KCNMA1: variants seen among roughly 807,000 people sequenced by gnomAD.
KCNMA1 encodes the protein potassium calcium-activated channel subfamily M alpha 1, also known as Calcium-activated potassium channel subunit alpha-1.
A neutral mutation model predicts 140.0 loss-of-function variants in KCNMA1; 29 were observed. The ratio of observed to expected loss-of-function variants is 0.21; its 90% CI spans 0.15 to 0.28. The LOEUF is 0.28. Among genes scored for constraint, KCNMA1 ranks in the 10% least tolerant of loss-of-function variants. The pLI is 1.00. For synonymous variants in KCNMA1, 612 were observed against 611.9 expected (o/e 1.00, Z 0.00); for missense variants, 880 against 1,602.2 (o/e 0.55, Z 7.70).
intron 1 of KCNMA1, among the ~76,000 whole-genome samples, chr10:77,627,689 T>G (rs1488136694): frequency 1.3e-5 from 2 of 152,176 alleles, no homozygotes; most frequent in African/African-American, 4.8e-5. Flanking sequence ...AAATCTACCA[T>G]CCACCAAGGC....
At chr10:77,203,227 A>G (rs746615966) in intron 3 of KCNMA1, among the ~76,000 whole-genome samples, 20 of 152,222 alleles carry the variant, frequency 1.3e-4, no homozygotes, top group Admixed American at 6.5e-5. Context: ...TCCTATCCTA[A>G]TCACAACAAT....
At chr10:77,062,809 T>C (rs551358133) in intron 14 of KCNMA1, among the ~76,000 whole-genome samples, 8 of 152,332 alleles carry the variant, frequency 5.3e-5, no homozygotes, top group African/African-American at 1.9e-4. Flanking sequence ...GATTTGAATA[T>C]AAAACAAAGC....
chr10:77,426,382 A>T (rs2096990859), intron 1 of KCNMA1, among the ~76,000 whole-genome samples: 1 of 152,170 alleles, frequency 6.6e-6, no homozygotes, highest in Non-Finnish European at 1.5e-5. Flanking sequence ...ATAGTAACTC[A>T]TTGAATCCTC....
At chr10:77,289,103 G>C (rs1049394430) in intron 2 of KCNMA1, among the ~76,000 whole-genome samples, 1 of 152,128 alleles carries the variant, frequency 6.6e-6, no homozygotes, top group Non-Finnish European at 1.5e-5. Flanking sequence ...CCTCTTGACA[G>C]GCTTATCTCC....
At chr10:77,000,857 AATATATATATATATATATAT>A (rs56359933) in intron 19 of KCNMA1, among the ~76,000 whole-genome samples, 2,289 of 36,670 alleles carry the variant, frequency 0.062, 226 homozygotes, top group Non-Finnish European at 0.092. Context: ...GTAAAAAGAA[AATATATATATATATATATAT>A]ATATATATAT....
chr10:77,317,869 G>A (rs1286845718), intron 2 of KCNMA1, among the ~76,000 whole-genome samples: 1 of 152,194 alleles, frequency 6.6e-6, no homozygotes, highest in Non-Finnish European at 1.5e-5. Context: ...TTTCCAGCCT[G>A]AGGAGCTTAG....
intron 23 of KCNMA1, among the ~76,000 whole-genome samples, chr10:76,941,071 A>AGAAAGAAAG (rs1565061204): frequency 2.1e-5 from 2 of 93,084 alleles, no homozygotes; most frequent in African/African-American, 9.8e-5. Flanking sequence ...AAGAAAGAAA[A>AGAAAGAAAG]AGAAAGAAAG....
intron 3 of KCNMA1, among the ~76,000 whole-genome samples, chr10:77,222,888 G>A (rs181390880): frequency 2.7e-4 from 41 of 152,308 alleles, no homozygotes; most frequent in African/African-American, 9.6e-4. Flanking sequence ...CTACTGCAGA[G>A]TTTAACTGCA....
intron 1 of KCNMA1, among the ~76,000 whole-genome samples, chr10:77,540,940 G>A (rs963852557): frequency 6.6e-6 from 1 of 151,298 alleles, no homozygotes; most frequent in African/African-American, 2.4e-5. Context: ...AGGAGGCAGA[G>A]ATCGCAGTGA....
At chr10:77,149,320 T>A (rs1429576765) in intron 5 of KCNMA1, among the ~76,000 whole-genome samples, 1 of 152,214 alleles carries the variant, frequency 6.6e-6, no homozygotes, top group Non-Finnish European at 1.5e-5. Context: ...AATAAAGCGA[T>A]GTCATGGGCA....
At chr10:77,311,274 C>G (rs575306548) in intron 2 of KCNMA1, among the ~76,000 whole-genome samples, 2 of 152,260 alleles carry the variant, frequency 1.3e-5, no homozygotes, top group East Asian at 3.9e-4. Flanking sequence ...AGTGGTGGTC[C>G]CTGAGTCCCC....
intron 1 of KCNMA1, among the ~76,000 whole-genome samples, chr10:77,588,799 G>A (rs762310554): frequency 1.6e-4 from 24 of 152,208 alleles, no homozygotes; most frequent in Non-Finnish European, 3.1e-4. Context: ...GCTCATCTTT[G>A]ACAAATCAAT....
At chr10:76,957,574 A>G (rs1447409941) in intron 20 of KCNMA1, among the ~76,000 whole-genome samples, 2 of 152,216 alleles carry the variant, frequency 1.3e-5, no homozygotes, top group African/African-American at 2.4e-5. Context: ...ATTCCACAAG[A>G]GCAAGGGATA....
intron 1 of KCNMA1, among the ~76,000 whole-genome samples, chr10:77,633,041 A>G (rs1213219388): frequency 2.6e-5 from 4 of 152,180 alleles, no homozygotes; most frequent in South Asian, 2.1e-4. Flanking sequence ...CAGGGGCTGG[A>G]CGCCGTGCCT....
Position 76,949,373 on chromosome 10 carries a change from C to A in KCNMA1, c.2485-7G>T. The stretch of plus-strand genomic sequence containing the variant: ...TGGCAGCTTCACTTCGAGTCTACAA[C>A]AGGGAGAAGTGGGTAAGAGTCAGAG... On this transcript the variant is annotated splice_polypyrimidine_tract_variant and splice_region_variant and intron_variant, in intron 21 of 27. Transcript: ENST00000286628. The A allele has an allele frequency of 1.2e-6, 2 of 1,611,152 alleles. No individual in the cohort carries two copies. Among genetic ancestry groups the A allele is most frequent in the South Asian group, 1.1e-5 (1 of 90,864 alleles).
At position 77,069,629 on chromosome 10, in the gene KCNMA1, T is replaced by C. The variant is rs561436978; in HGVS notation, c.1749+3468A>G. Among the ~76,000 whole-genome samples the C allele has an allele frequency of 1.4e-3, 208 of 152,190 alleles. 2 individuals are homozygous for C. Among genetic ancestry groups the C allele is most frequent in the African/African-American group, 4.6e-3 (191 of 41,490 alleles). ...AAATATAAAAAAGATTCCTAAAAAG[T>C]TTAGATCAATTCAGAGATATATCCA... On this transcript the variant is annotated intron_variant, in intron 14 of 27. Coordinates refer to ENST00000286628, the MANE Select transcript of KCNMA1 (RefSeq NM_001161352.2).
At chr10:77,606,643 C>T (rs2084640032) in intron 1 of KCNMA1, among the ~76,000 whole-genome samples, 1 of 152,016 alleles carries the variant, frequency 6.6e-6, no homozygotes, top group African/African-American at 2.4e-5. Context: ...TTCCTAGAGT[C>T]CAGAAAGACG....
intron 1 of KCNMA1, among the ~76,000 whole-genome samples, chr10:77,486,642 G>C (rs2098463865): frequency 6.6e-6 from 1 of 152,214 alleles, no homozygotes; most frequent in African/African-American, 2.4e-5. Flanking sequence ...TGTTATTAAT[G>C]ATGGGTACAG....
In KCNMA1 at chr10:76,885,077, T is replaced by TGTTG. The variant is rs1404353493; in HGVS notation, c.*2185_*2188dup. The TGTTG allele has an allele frequency of 2.6e-6, 4 of 1,542,776 alleles. No individual in the cohort carries two copies. The highest frequency in any genetic ancestry group is 2.6e-6 in the Non-Finnish European group (3 of 1,143,646). On this transcript the variant is annotated 3_prime_UTR_variant, in exon 28 of 28. Coordinates refer to ENST00000286628, the MANE Select transcript of KCNMA1 (RefSeq NM_001161352.2). ...AATGCTTTTAAACTGTCATATTTCC[T>TGTTG]GTTGAGCACTTTAACTGGCACATTC...
Sources: allele counts gnomAD v4.1 joint callset (sites outside exome capture counted in the v4.1 genomes callset), GRCh38; gene constraint gnomAD v4.1.1; transcripts MANE v1.5; gene names NCBI Gene and HGNC (gene_info 2026-07-23, HGNC 2026-07-21).